The following PRCP variants were observed in gnomAD, a reference collection of about 807,000 sequenced individuals.
PRCP encodes the protein lysosomal Pro-X carboxypeptidase.
A neutral mutation model predicts 54.2 loss-of-function variants in PRCP; 46 were observed. The observed-to-expected ratio is 0.85, with a 90% CI of 0.67 to 1.09. PRCP has a LOEUF of 1.09. PRCP is among the 50% of genes least tolerant of loss of function. The pLI, the probability that PRCP is intolerant of heterozygous loss-of-function variation, is 0.00. For missense variants in PRCP, 613 were observed against 596.8 expected (o/e 1.03, Z -0.28); for synonymous variants, 240 against 212.2 (o/e 1.13, Z -1.14).
At chr11:82,831,302 A>C (rs1858376796) in intron 8 of PRCP, 1 of 152,198 alleles carries the variant, frequency 6.6e-6, no homozygotes, top group Admixed American at 6.5e-5. Flanking sequence ...CTGTGGAATA[A>C]AAAAAGAATT....
Position 82,823,955 on chromosome 11 carries a change from GACAGCAGTA to G in PRCP, c.*942_*950del, listed in dbSNP as rs1375859210. ...AGTGTCTAACACTTCTGGTTTTAAT[GACAGCAGTA>G]ACAACTATCAGAAAATAAAATTTTA... On this transcript the variant is annotated 3_prime_UTR_variant, in exon 9 of 9. Coordinates refer to ENST00000313010, the MANE Select transcript of PRCP (RefSeq NM_005040.4). 6.6e-6 allele frequency: 1 copy of G among 152,122 alleles called. No individual in the cohort carries two copies. Among genetic ancestry groups the G allele is most frequent in the Non-Finnish European group, 1.5e-5 (1 of 68,014 alleles). The allele number at this position is 152,122 out of a possible 1,614,324, so 9.4% of individuals were successfully genotyped here.
intron 6 of PRCP, among the ~76,000 whole-genome samples, chr11:82,847,648 C>T (rs993199482): frequency 6.6e-6 from 1 of 152,028 alleles, no homozygotes; most frequent in Non-Finnish European, 1.5e-5. Context: ...GCTCTGTTGC[C>T]CAGGCTGGAG....
intron 1 of PRCP, among the ~76,000 whole-genome samples, chr11:82,899,783 C>T (rs527259063): frequency 1.2e-4 from 19 of 152,234 alleles, no homozygotes; most frequent in Non-Finnish European, 1.8e-4. Context: ...GAGAGGCTGG[C>T]TTTTAGGATG....
At chr11:82,835,253 A>G (rs1479392413) in intron 8 of PRCP, among the ~76,000 whole-genome samples, 2 of 152,228 alleles carry the variant, frequency 1.3e-5, no homozygotes, top group African/African-American at 2.4e-5. Flanking sequence ...AATAAGTCTA[A>G]TAAGAGTCTA....
At chr11:82,831,337 A>T (rs947756617) in intron 8 of PRCP, 127 of 152,240 alleles carry the variant, frequency 8.3e-4, no homozygotes, top group African/African-American at 3.0e-3. Context: ...ATTAACAGGT[A>T]AACAAATGTT....
chr11:82,881,004 T>C (rs541813842), intron 1 of PRCP, among the ~76,000 whole-genome samples: 13 of 152,374 alleles, frequency 8.5e-5, no homozygotes, highest in African/African-American at 3.1e-4. Flanking sequence ...GCATGCTTTA[T>C]GCCTCTCTTG....
intron 1 of PRCP, among the ~76,000 whole-genome samples, chr11:82,877,587 G>T (rs554610757): frequency 3.3e-5 from 5 of 152,354 alleles, no homozygotes; most frequent in African/African-American, 1.2e-4. Flanking sequence ...TGACTTCAGA[G>T]GGTGGGAGCC....
chr11:82,862,477 C>T (rs10792657), intron 1 of PRCP, among the ~76,000 whole-genome samples: 38,014 of 151,976 alleles, frequency 0.25, 5,000 homozygotes, highest in Admixed American at 0.3. Context: ...GCTGTTCCAG[C>T]GCTGCTCCAG....
At chr11:82,894,946 C>T (rs1860084872) in intron 1 of PRCP, among the ~76,000 whole-genome samples, 1 of 152,016 alleles carries the variant, frequency 6.6e-6, no homozygotes, top group African/African-American at 2.4e-5. Flanking sequence ...TTTTTATGTA[C>T]AGAATCTTGT....
chr11:82,860,037 A>G lies in PRCP; in HGVS notation c.249T>C (p.Gly83=). Residue 83 remains glycine, a synonymous_variant, in exon 2 of 9, where the codon GGT becomes GGC. Coordinates refer to ENST00000313010, the MANE Select transcript of PRCP (RefSeq NM_005040.4). ...LVADKYWKKN[G]GSILFYTGNE... is the part of the protein sequence containing the mutation. The stretch of plus-strand genomic sequence containing the variant: ...TACCAGTGTAGAAAAGTATTGATCC[A>G]CCATTTTTCTTCCAGTATTTATCAG... 1.9e-6 allele frequency: 3 copies of G among 1,592,392 alleles called. No individual in the cohort carries two copies. The highest frequency in any genetic ancestry group is 2.6e-6 in the Non-Finnish European group (3 of 1,170,208).
chr11:82,859,601 T>A (rs1939135), intron 2 of PRCP, among the ~76,000 whole-genome samples: 60,468 of 151,810 alleles, frequency 0.4, 13,151 homozygotes, highest in African/African-American at 0.58. Flanking sequence ...TGAGATTTTA[T>A]AAACAAAACA....
At chr11:82,858,970 G>A (rs1488270194) in intron 2 of PRCP, among the ~76,000 whole-genome samples, 3 of 152,158 alleles carry the variant, frequency 2.0e-5, no homozygotes. Flanking sequence ...ATGTAATTGG[G>A]TTCATATCTT....
chr11:82,900,526 C>G, upstream of PRCP: 2 of 1,334,446 alleles, frequency 1.5e-6, no homozygotes, highest in Non-Finnish European at 2.1e-6. Context: ...CAGGGGAAAC[C>G]CAAAGCCAGC....
At position 82,828,265 on chromosome 11, in the gene PRCP, G is replaced by A. The variant is rs376852338; in HGVS notation, c.1275-3143C>T. ...ATTTTACACTATGTTGCATTTCAGC[G>A]GAACCATGACTGCTGTTGGAAGTCG... On this transcript the variant is annotated intron_variant, in intron 8 of 8. Transcript: ENST00000313010. 1.2e-3 allele frequency: 186 copies of A among 152,240 alleles called. 1 individual carries two copies. The highest frequency in any genetic ancestry group is 4.2e-3 in the African/African-American group (174 of 41,550). 9.4% of individuals were successfully genotyped at this position (152,240 alleles called of 1,614,324 possible).
intron 1 of PRCP, among the ~76,000 whole-genome samples, chr11:82,863,142 C>T (rs1276167867): frequency 6.6e-5 from 10 of 152,290 alleles, no homozygotes; most frequent in African/African-American, 2.2e-4. Context: ...GAATCAGAAA[C>T]CATGAGGGTA....
At chr11:82,876,664 G>A (rs977780015) in intron 1 of PRCP, among the ~76,000 whole-genome samples, 1 of 152,074 alleles carries the variant, frequency 6.6e-6, no homozygotes, top group African/African-American at 2.4e-5. Context: ...ATTTTCTCTT[G>A]CCGCCACCAT....
At chr11:82,862,733 A>G (rs1591056920) in intron 1 of PRCP, among the ~76,000 whole-genome samples, 1 of 152,242 alleles carries the variant, frequency 6.6e-6, no homozygotes, top group Non-Finnish European at 1.5e-5. Context: ...TCTACTTTTC[A>G]GGAAAATAAG....
At chr11:82,890,525 C>G (rs1859981296) in intron 1 of PRCP, among the ~76,000 whole-genome samples, 1 of 152,196 alleles carries the variant, frequency 6.6e-6, no homozygotes, top group East Asian at 1.9e-4. Flanking sequence ...TTCTCACTCT[C>G]TCGGCTCATT....
intron 1 of PRCP, among the ~76,000 whole-genome samples, chr11:82,893,987 A>G (rs1487937709): frequency 6.6e-6 from 1 of 152,210 alleles, no homozygotes; most frequent in Non-Finnish European, 1.5e-5. Flanking sequence ...TTTACACTAC[A>G]TATGTAATTT....
Sources: allele counts gnomAD v4.1 joint callset (sites outside exome capture counted in the v4.1 genomes callset), GRCh38; gene constraint gnomAD v4.1.1; transcripts MANE v1.5; gene names NCBI Gene and HGNC (gene_info 2026-07-23, HGNC 2026-07-21).